The following PJA2 variants were observed in gnomAD, a reference collection of about 807,000 sequenced individuals.
PJA2 encodes the protein E3 ubiquitin-protein ligase Praja-2.
A neutral mutation model predicts 69.3 loss-of-function variants in PJA2; 25 were observed. That is an observed-to-expected ratio of 0.36 (90% CI 0.26 to 0.50). The LOEUF is 0.50. Among genes scored for constraint, PJA2 ranks in the 20% least tolerant of loss-of-function variants. PJA2 has a pLI of 0.96. For missense variants in PJA2, 809 were observed against 830.2 expected, an observed-to-expected ratio of 0.97 and a Z score of 0.31; for synonymous variants, 308 against 277.8, an observed-to-expected ratio of 1.11 and a Z score of -1.08.
intron 7 of PJA2, among the ~76,000 whole-genome samples, chr5:109,353,603 T>TAGA (rs1762322788): frequency 7.0e-6 from 1 of 143,334 alleles, no homozygotes; most frequent in African/African-American, 2.5e-5. Flanking sequence ...ATCTATAATA[T>TAGA]CATAGACATC....
chr5:109,391,463 G>C (rs562993065), intron 1 of PJA2, among the ~76,000 whole-genome samples: 15 of 152,056 alleles, frequency 9.9e-5, no homozygotes, highest in African/African-American at 3.4e-4. Context: ...ATTCAAATGA[G>C]AATAGTATTC....
At chr5:109,403,737 G>C (rs537887448) in intron 1 of PJA2, among the ~76,000 whole-genome samples, 1 of 142,148 alleles carries the variant, frequency 7.0e-6, no homozygotes, top group South Asian at 2.4e-4. Context: ...AATAATACCT[G>C]ACTAAAATCA....
chr5:109,364,622 C>CAAAAAAAAAAAAAAA (rs200663624), intron 5 of PJA2, among the ~76,000 whole-genome samples: 1 of 61,858 alleles, frequency 1.6e-5, no homozygotes, highest in Non-Finnish European at 3.4e-5. Flanking sequence ...GACTCTGTCT[C>CAAAAAAAAAAAAAAA]AAAAAAAAAA....
chr5:109,352,890 T>C (rs185537152), intron 7 of PJA2, among the ~76,000 whole-genome samples: 1 of 149,204 alleles, frequency 6.7e-6, no homozygotes, highest in Admixed American at 6.8e-5. Flanking sequence ...TATCTATATC[T>C]ATAGACATCT....
chr5:109,353,855 CTA>C (rs1378088036), intron 7 of PJA2, among the ~76,000 whole-genome samples: 4 of 38,850 alleles, frequency 1.0e-4, no homozygotes, highest in African/African-American at 1.6e-4. Context: ...GATTAGATGT[CTA>C]TGATATCTAG....
intron 4 of PJA2, among the ~76,000 whole-genome samples, 170 bp from the exon 5 acceptor site, chr5:109,368,916 G>A (rs572040528): frequency 2.0e-5 from 3 of 152,236 alleles, no homozygotes; most frequent in South Asian, 4.1e-4. Context: ...CATCATGGGG[G>A]TGTATCCTTC....
intron 4 of PJA2, among the ~76,000 whole-genome samples, chr5:109,376,996 G>C (rs1746906385): frequency 6.6e-6 from 1 of 151,994 alleles, no homozygotes; most frequent in African/African-American, 2.4e-5. Flanking sequence ...TAGAAGTGTG[G>C]ATACTGAATA....
chr5:109,378,996 T>G lies in PJA2; in HGVS notation c.491A>C (p.His164Pro), dbSNP rs1746970412. 3 of 1,614,210 alleles carry G rather than the reference T, an allele frequency of 1.9e-6. No homozygotes were observed. Among genetic ancestry groups the G allele is most frequent in the Non-Finnish European group, 2.5e-6 (3 of 1,180,024 alleles). ...SSVQNGIALV[H>P]TDSYDPDGKH... Reference sequence around the variant, plus strand: ...GCCATCTGGATCATAAGAGTCTGTATGAACCAATGCAATTCCATTTTGGAC... The same window carrying G: ...GCCATCTGGATCATAAGAGTCTGTAGGAACCAATGCAATTCCATTTTGGAC... Residue 164 changes from histidine to proline, a missense_variant, in exon 4 of 10, where the codon CAT becomes CCT. Physicochemically the swap from His to Pro is moderately conservative, Grantham distance 77 (BLOSUM62 -2). This residue lies in a region of PJA2 where 700 missense variants were observed against 639.5 expected (regional missense o/e 1.09). Coordinates refer to ENST00000361189, the MANE Select transcript of PJA2 (RefSeq NM_014819.5).
intron 1 of PJA2, among the ~76,000 whole-genome samples, chr5:109,394,039 C>CT (rs75679188): frequency 0.29 from 23,845 of 81,686 alleles, 3,429 homozygotes; most frequent in Middle Eastern, 0.43. Flanking sequence ...TTCTAATTCT[C>CT]TTTTTTTTTT....
rs767146430 is a variant in PJA2, at chr5:109,378,719, A to C, written c.768T>G (p.Ile256Met). The C allele has an allele frequency of 2.5e-6, 4 of 1,613,168 alleles. No homozygotes were observed. In the East Asian group the frequency reaches 6.7e-5, roughly 27 times the overall value. ...TEFVHQNSQE[I>M]QRSSQDEMVS... The stretch of plus-strand genomic sequence containing the variant: ...CCATTTCATCTTGAGAAGACCTCTG[A>C]ATTTCCTGGCTATTCTGATGGACAA... The change falls in exon 4 of 10, where the codon ATT becomes ATG. Residue 256 changes from isoleucine to methionine, a missense_variant. Ile to Met is a conservative substitution (Grantham distance 10). Around this residue, in one of 4 missense-constraint regions of PJA2, gnomAD observed 700 missense variants for 639.5 expected, o/e 1.09. Transcript: ENST00000361189.
At position 109,378,516 on chromosome 5, in the gene PJA2, G is replaced by C; in HGVS notation, c.971C>G (p.Ser324Ter). The C allele has an allele frequency of 6.2e-7, 1 of 1,614,146 alleles. No homozygotes were observed. Among genetic ancestry groups the C allele is most frequent in the East Asian group, 2.2e-5 (1 of 44,882 alleles). ...VRPKVRKLIS[S>*]SQVDQETGFN... is the part of the protein sequence containing the mutation. ...ACCTGTTTCTTGGTCCACCTGGCTT[G>C]AACTTATCAGTTTTCTAACTTTTGG... Residue 324 changes from serine to a stop codon, truncating the protein, a stop_gained, in exon 4 of 10, where the codon TCA becomes TGA. Coordinates refer to ENST00000361189, the MANE Select transcript of PJA2 (RefSeq NM_014819.5). LOFTEE classifies it high-confidence loss of function.
At chr5:109,350,189 C>T (rs538843745) in intron 7 of PJA2, among the ~76,000 whole-genome samples, 2 of 151,862 alleles carry the variant, frequency 1.3e-5, no homozygotes, top group African/African-American at 4.8e-5. Flanking sequence ...AATTTATTGC[C>T]TTGGTACTGT....
intron 7 of PJA2, among the ~76,000 whole-genome samples, chr5:109,348,702 G>T (rs1762207159): frequency 6.6e-6 from 1 of 152,190 alleles, no homozygotes; most frequent in African/African-American, 2.4e-5. Flanking sequence ...GATATAAACA[G>T]TGTAGGTCTG....
At chr5:109,378,124 G>GC in intron 4 of PJA2, 80 bp downstream of exon 4, 1 of 987,258 alleles carries the variant, frequency 1.0e-6, no homozygotes. Context: ...ATATCAAATA[G>GC]CCCAGCCATC....
At chr5:109,374,154 G>T (rs894170984) in intron 4 of PJA2, among the ~76,000 whole-genome samples, 2 of 152,142 alleles carry the variant, frequency 1.3e-5, no homozygotes, top group Non-Finnish European at 2.9e-5. Context: ...CATTAAGATG[G>T]CTATGATTTT....
chr5:109,344,100 CA>C (rs916556182), intron 9 of PJA2, 89 bp downstream of exon 9: 51,160 of 396,940 alleles, frequency 0.13, 4 homozygotes, highest in South Asian at 0.18. Context: ...TTTGTCTCAC[CA>C]AAAAAAAAAA....
chr5:109,393,664 C>A (rs1275299644), intron 1 of PJA2, among the ~76,000 whole-genome samples: 2 of 151,014 alleles, frequency 1.3e-5, no homozygotes, highest in African/African-American at 4.9e-5. Context: ...AAAAAATGTT[C>A]ATAGAAGCAA....
At chr5:109,363,433 C>T (rs143908530) in intron 5 of PJA2, among the ~76,000 whole-genome samples, 16 of 152,268 alleles carry the variant, frequency 1.1e-4, no homozygotes, top group African/African-American at 3.1e-4. Flanking sequence ...TCTGCTCAGC[C>T]CACTTCTCCA....
At chr5:109,380,132 G>A (rs1029207324) in intron 3 of PJA2, among the ~76,000 whole-genome samples, 14 of 131,584 alleles carry the variant, frequency 1.1e-4, no homozygotes, top group Non-Finnish European at 2.2e-4. Context: ...CTTGCTCTGT[G>A]GCCCAGGCTG....
Sources: allele counts gnomAD v4.1 joint callset (sites outside exome capture counted in the v4.1 genomes callset), GRCh38; gene constraint gnomAD v4.1.1; regional missense constraint gnomAD v4.1.1; transcripts MANE v1.5; gene names NCBI Gene and HGNC (gene_info 2026-07-23, HGNC 2026-07-21).